FA2H: variants seen among roughly 807,000 people sequenced by gnomAD.
FA2H encodes the protein fatty acid alpha-hydroxylase.
In FA2H, 22 loss-of-function variants were observed where a neutral mutation model predicts 44.9. That is an observed-to-expected ratio of 0.49 (90% confidence interval 0.35 to 0.70). The LOEUF (loss-of-function observed/expected upper bound fraction) is 0.70. Among genes scored for constraint, FA2H ranks in the 30% least tolerant of loss-of-function variants. The pLI is 0.01. For synonymous variants in FA2H, 243 were observed against 213.2 expected, an observed-to-expected ratio of 1.14 and a Z score of -1.22; for missense variants, 501 against 504.9, an observed-to-expected ratio of 0.99 and a Z score of 0.07.
chr16:74,750,939 G>T lies in FA2H; in HGVS notation c.271-10824C>A, dbSNP rs1962516332. Among the ~76,000 whole-genome samples the T allele has an allele frequency of 1.3e-5, 2 of 151,932 alleles. 1 individual carries two copies. Among genetic ancestry groups the T allele is most frequent in the South Asian group, 4.1e-4 (2 of 4,830 alleles). ...TAGGACTATAGGCACATGCCACAAT[G>T]GCCGGCTAATCTGTTTATTTTTTTT... On this transcript the variant is annotated intron_variant, in intron 1 of 6. Coordinates refer to ENST00000219368, the MANE Select transcript of FA2H (RefSeq NM_024306.5).
intron 1 of FA2H, among the ~76,000 whole-genome samples, chr16:74,773,376 T>G (rs767605736): frequency 6.6e-6 from 1 of 152,164 alleles, no homozygotes; most frequent in East Asian, 1.9e-4. Flanking sequence ...GGAAAAAACA[T>G]AGCATATATA....
intron 5 of FA2H, chr16:74,717,013 C>G (rs544313519): frequency 6.6e-5 from 13 of 196,240 alleles, no homozygotes; most frequent in Middle Eastern, 2.1e-3. Context: ...TAGACTGAGG[C>G]CTGATGTTGT....
At chr16:74,727,935 T>A (rs149731418) in intron 2 of FA2H, among the ~76,000 whole-genome samples, 45 of 152,320 alleles carry the variant, frequency 3.0e-4, no homozygotes, top group East Asian at 1.7e-3. Flanking sequence ...AATTTATTTT[T>A]TATATATATA....
chr16:74,722,038 G>A (rs1311368306), intron 4 of FA2H, among the ~76,000 whole-genome samples: 3 of 152,192 alleles, frequency 2.0e-5, no homozygotes, highest in Admixed American at 6.5e-5. Flanking sequence ...GATTGAGGAC[G>A]TGGAGGCCCA....
At chr16:74,732,452 TTTAAGA>T (rs1962091964) in intron 2 of FA2H, among the ~76,000 whole-genome samples, 1 of 151,914 alleles carries the variant, frequency 6.6e-6, no homozygotes, top group Non-Finnish European at 1.5e-5. Flanking sequence ...TTCTTTTTTT[TTTAAGA>T]TTGAGTCTCA....
chr16:74,771,245 C>T (rs1259083164), intron 1 of FA2H, among the ~76,000 whole-genome samples: 1 of 152,028 alleles, frequency 6.6e-6, no homozygotes, highest in Non-Finnish European at 1.5e-5. Context: ...GACTGGAATG[C>T]AGTGGTGCGA....
At chr16:74,726,049 G>T in intron 4 of FA2H, 176 bp downstream of exon 4, 1 of 613,692 alleles carries the variant, frequency 1.6e-6, no homozygotes, top group Non-Finnish European at 3.0e-6. Context: ...TTGGGGGGTA[G>T]ATGGGAGTCA....
At position 74,772,440 on chromosome 16, in the gene FA2H, C is replaced by T. The variant is rs766609612; in HGVS notation, c.270+2046G>A. ...TGTTCCCTCTCCTTCCCCATTATCCCATTAGCTCCATGAAGACAGGAACCG... is the reference window on the plus strand; with the variant it reads ...TGTTCCCTCTCCTTCCCCATTATCCTATTAGCTCCATGAAGACAGGAACCG... On this transcript the variant is annotated intron_variant, in intron 1 of 6. Transcript: ENST00000219368. Among the ~76,000 whole-genome samples the T allele has an allele frequency of 4.6e-5, 7 of 152,320 alleles. 1 individual carries two copies. The highest frequency in any genetic ancestry group is 7.3e-5 in the Non-Finnish European group (5 of 68,034).
chr16:74,757,290 C>T (rs1962628563), intron 1 of FA2H, among the ~76,000 whole-genome samples: 2 of 152,112 alleles, frequency 1.3e-5, no homozygotes, highest in South Asian at 4.1e-4. Context: ...AGAATTTAAA[C>T]AGGGAGCAAT....
At chr16:74,723,481 C>T (rs1961883402) in intron 4 of FA2H, among the ~76,000 whole-genome samples, 1 of 152,180 alleles carries the variant, frequency 6.6e-6, no homozygotes, top group Admixed American at 6.5e-5. Context: ...TGTCCACAGT[C>T]CCCACCGTGA....
intron 1 of FA2H, among the ~76,000 whole-genome samples, chr16:74,744,893 C>G (rs767314056): frequency 9.2e-5 from 14 of 152,062 alleles, no homozygotes; most frequent in Non-Finnish European, 1.9e-4. Context: ...GCTGGTGATG[C>G]CTTTGAACTG....
chr16:74,738,255 G>A (rs930299441), intron 2 of FA2H, among the ~76,000 whole-genome samples: 1 of 152,160 alleles, frequency 6.6e-6, no homozygotes, highest in Non-Finnish European at 1.5e-5. Context: ...GAGTCAGGCT[G>A]CTTGGACAGC....
chr16:74,721,851 G>C (rs985961282), intron 4 of FA2H, among the ~76,000 whole-genome samples: 5 of 152,228 alleles, frequency 3.3e-5, no homozygotes, highest in African/African-American at 1.2e-4. Flanking sequence ...CATCCTCCTT[G>C]CTTCTCAGGG....
intron 1 of FA2H, among the ~76,000 whole-genome samples, chr16:74,769,483 AT>A: frequency 6.6e-6 from 1 of 152,302 alleles, no homozygotes; most frequent in South Asian, 2.1e-4. Context: ...AAGTGGGTCA[AT>A]TTAAAGATAA....
At chr16:74,759,396 G>C (rs1030061541) in intron 1 of FA2H, among the ~76,000 whole-genome samples, 2 of 152,132 alleles carry the variant, frequency 1.3e-5, no homozygotes, top group African/African-American at 4.8e-5. Flanking sequence ...TGATTGGCTG[G>C]GATCAGCTCC....
chr16:74,727,416 G>C (rs748842553), intron 2 of FA2H, 30 bp from the exon 3 acceptor site: 4 of 1,612,058 alleles, frequency 2.5e-6, no homozygotes, highest in Non-Finnish European at 3.4e-6. Flanking sequence ...GTGGACGTTT[G>C]ATATTCACGT....
chr16:74,739,610 G>A (rs1488772921), intron 2 of FA2H, among the ~76,000 whole-genome samples: 2 of 152,204 alleles, frequency 1.3e-5, no homozygotes, highest in Non-Finnish European at 2.9e-5. Flanking sequence ...AGTCTCCTGT[G>A]CCCTGCACTG....
chr16:74,721,950 C>G, intron 4 of FA2H, among the ~76,000 whole-genome samples: 1 of 152,226 alleles, frequency 6.6e-6, no homozygotes, highest in East Asian at 1.9e-4. Context: ...TGCCAGGCAC[C>G]GCCCAAGGGC....
chr16:74,727,626 G>A (rs543933377), intron 2 of FA2H, among the ~76,000 whole-genome samples: 4 of 152,364 alleles, frequency 2.6e-5, no homozygotes, highest in African/African-American at 9.6e-5. Context: ...TGAGCCATCA[G>A]ATGATCCCTC....
Sources: allele counts gnomAD v4.1 joint callset (sites outside exome capture counted in the v4.1 genomes callset), GRCh38; gene constraint gnomAD v4.1.1; transcripts MANE v1.5; gene names NCBI Gene and HGNC (gene_info 2026-07-23, HGNC 2026-07-21).